Variants in GTPBP3 observed in about 807,000 individuals in gnomAD.
GTPBP3 encodes 5-taurinomethyluridine-[tRNA] synthase subunit GTPB3, mitochondrial.
GTPBP3 carries 35 observed loss-of-function variants against 42.0 expected under a neutral mutation model. That is an observed-to-expected ratio of 0.83 (90% CI 0.64 to 1.10). GTPBP3 has a LOEUF of 1.10. GTPBP3 is among the 50% of genes least tolerant of loss of function. The pLI, the probability that GTPBP3 is intolerant of heterozygous loss-of-function variation, is 0.00. For synonymous variants in GTPBP3, 332 were observed against 314.9 expected (o/e 1.05, Z -0.58); for missense variants, 691 against 685.2 (o/e 1.01, Z -0.09).
chr19:17,335,749 C>G (rs559776119), upstream of GTPBP3, among the ~76,000 whole-genome samples: 3 of 152,100 alleles, frequency 2.0e-5, no homozygotes, highest in South Asian at 6.2e-4. Context: ...GAAAGCCCAG[C>G]GAGGGTAGGA....
At chr19:17,340,866 C>T (rs1384425597) in intron 7 of GTPBP3, 178 bp from the exon 8 acceptor site, 1 of 622,306 alleles carries the variant, frequency 1.6e-6, no homozygotes, top group Admixed American at 3.0e-5. Flanking sequence ...TGCCCCACCC[C>T]CTGTGCTCGG....
intron 7 of GTPBP3, among the ~76,000 whole-genome samples, chr19:17,340,546 C>A (rs1245038884): frequency 2.0e-5 from 3 of 151,792 alleles, no homozygotes; most frequent in Admixed American, 2.0e-4. Context: ...TACCCCTTAC[C>A]CTGTGGTGTG....
Position 17,339,458 on chromosome 19 carries a change from C to G in GTPBP3, c.833C>G (p.Ser278Cys). Residue 278 changes from serine (S) to cysteine (C), a missense_variant, in exon 7 of 9, where the codon TCC becomes TGC. Transcript: ENST00000324894. Reference sequence around the variant, plus strand: ...GGTCGGAAGCCTGTGTCCATCGTGTCCCCGGAGCCAGGGACCACCCGTGAC... The same window carrying G: ...GGTCGGAAGCCTGTGTCCATCGTGTGCCCGGAGCCAGGGACCACCCGTGAC... Reference protein sequence around the residue: ...LLSRKPVSIVSPEPGTTRDVL... With the variant: ...LLSRKPVSIVCPEPGTTRDVL... 6.2e-7 allele frequency: 1 copy of G among 1,613,910 alleles called. No homozygotes were observed. Among genetic ancestry groups the G allele is most frequent in the East Asian group, 2.2e-5 (1 of 44,880 alleles).
Position 17,341,560 on chromosome 19 carries a change from G to T in GTPBP3, c.1336G>T (p.Gly446Cys). The change falls in exon 9 of 9, where the codon GGC becomes TGC. Residue 446 changes from glycine to cysteine, a missense_variant. By Grantham distance (159) the Gly-to-Cys change is radical. Transcript: ENST00000324894. ...HHLQGCLDALGHYKQSKDLAL... is the reference protein window; with the variant it reads ...HHLQGCLDALCHYKQSKDLAL... The stretch of plus-strand genomic sequence containing the variant: ...CCTCCAGGGTTGCCTGGATGCCCTC[G>T]GCCACTACAAGCAGTCAAAAGACCT... 6.2e-7 allele frequency: 1 copy of T among 1,613,828 alleles called. No homozygotes were observed. Among genetic ancestry groups the T allele is most frequent in the East Asian group, 2.2e-5 (1 of 44,878 alleles).
Position 17,339,157 on chromosome 19 carries a change from G to A in GTPBP3, c.699G>A (p.Leu233=). 6.2e-7 allele frequency: 1 copy of A among 1,613,992 alleles called. No homozygotes were observed. The highest frequency in any genetic ancestry group is 8.5e-7 in the Non-Finnish European group (1 of 1,180,034). ...AAGTACGGGCACTGCAGGTGGCCCT[G>A]GGTGCACATCTACGAGATGCCAGGC... is the stretch of plus-strand genomic sequence containing the variant. ...DIEVRALQVA[L]GAHLRDARRG... The change falls in exon 6 of 9, where the codon CTG becomes CTA. Residue 233 remains leucine, a synonymous_variant. Transcript: ENST00000324894.
chr19:17,335,914 C>A (rs905748175), upstream of GTPBP3, among the ~76,000 whole-genome samples: 1 of 152,112 alleles, frequency 6.6e-6, no homozygotes, highest in Non-Finnish European at 1.5e-5. Context: ...AATATGTCAT[C>A]ATTTGTTCCT....
Position 17,341,082 on chromosome 19 carries a change from C to A in GTPBP3, c.1013C>A (p.Ala338Asp), listed in dbSNP as rs1257762962. The A allele has an allele frequency of 6.2e-7, 1 of 1,613,926 alleles. No individual in the cohort carries two copies. The highest frequency in any genetic ancestry group is 1.7e-5 in the Admixed American group (1 of 60,020). Reference sequence around the variant, plus strand: ...GACCTCATTCTGGCCATGCTGGATGCTTCTGACCTGGCCTCTCCCTCCAGT... The same window carrying A: ...GACCTCATTCTGGCCATGCTGGATGATTCTGACCTGGCCTCTCCCTCCAGT... ...QADLILAMLD[A>D]SDLASPSSCN... Residue 338 changes from alanine to aspartate, a missense_variant, in exon 8 of 9, where the codon GCT becomes GAT. Physicochemically the swap from Ala to Asp is moderately radical, Grantham distance 126. Coordinates refer to ENST00000324894, the MANE Select transcript of GTPBP3 (RefSeq NM_032620.4).
chr19:17,337,443 A>C, upstream of GTPBP3: 1 of 1,226,596 alleles, frequency 8.2e-7, no homozygotes, highest in Non-Finnish European at 1.0e-6. Flanking sequence ...GCACCAGCCA[A>C]TGGAAGCGAG....
At chr19:17,334,998 G>C (rs2074354705), upstream of GTPBP3, 2 of 1,535,514 alleles carry the variant, frequency 1.3e-6, no homozygotes, top group Admixed American at 2.0e-5. Flanking sequence ...GTCCCCGCCC[G>C]CACTGATGGT....
chr19:17,338,255 G>C lies in GTPBP3; in HGVS notation c.301G>C (p.Gly101Arg). The change falls in exon 2 of 9, where the codon GGT becomes CGT. Residue 101 changes from glycine to arginine, a missense_variant and splice_region_variant. Gly to Arg is a moderately radical substitution (Grantham distance 125). Transcript: ENST00000324894. ...LDRALVLWFP[G>R]PQSFTGEDCV... ...CCGCGCACTGGTGCTCTGGTTCCCA[G>C]GTGAGGGTCCCCAGGTTCCGAGCCT... 2 of 1,592,762 alleles carry C rather than the reference G, an allele frequency of 1.3e-6. No homozygotes were observed. Among genetic ancestry groups the C allele is most frequent in the Non-Finnish European group, 1.7e-6 (2 of 1,172,982 alleles).
At position 17,342,704 on chromosome 19, in the gene GTPBP3, T is replaced by C. The variant is rs1306670690; in HGVS notation, c.*1001T>C. The C allele has an allele frequency of 6.6e-6, 1 of 152,116 alleles. No homozygotes were observed. Among genetic ancestry groups the C allele is most frequent in the African/African-American group, 2.4e-5 (1 of 41,444 alleles). 9.4% of individuals were successfully genotyped at this position (152,116 alleles called of 1,614,324 possible). On this transcript the variant is annotated 3_prime_UTR_variant, in exon 9 of 9. Transcript: ENST00000324894. ...AAATATGTTTGTCTTGTGTATCATA[T>C]ATAAATGGTATTGTGTTCATTGCTC... is the stretch of plus-strand genomic sequence containing the variant.
Position 17,338,204 on chromosome 19 carries a change from G to C in GTPBP3, c.250G>C (p.Asp84His), listed in dbSNP as rs199757133. 6 of 1,584,656 alleles carry C rather than the reference G, an allele frequency of 3.8e-6. No individual in the cohort carries two copies. In the East Asian group the frequency reaches 9.1e-5, roughly 24 times the overall value. The stretch of plus-strand genomic sequence containing the variant: ...CCACGCCAGCCTGCGCCTGCTCAGC[G>C]ATCCCCGCTCCGGGGAGCCTCTGGA... The part of the protein sequence containing the change: ...ARHASLRLLS[D>H]PRSGEPLDRA... The change falls in exon 2 of 9, where the codon GAT becomes CAT. Residue 84 changes from aspartate to histidine, a missense_variant. Coordinates refer to ENST00000324894, the MANE Select transcript of GTPBP3 (RefSeq NM_032620.4).
intron 7 of GTPBP3, among the ~76,000 whole-genome samples, chr19:17,340,598 A>C (rs1449417074): frequency 1.5e-5 from 2 of 129,998 alleles, no homozygotes; most frequent in African/African-American, 3.0e-5. Context: ...TGGTCGCCCC[A>C]CTCCAGTGCT....
At position 17,341,676 on chromosome 19, in the gene GTPBP3, C is replaced by T; in HGVS notation, c.1452C>T (p.Ile484=). Reference sequence around the variant, plus strand: ...GTACCGAGGAGATCCTGGACATCATCTTCCAGGACTTCTGTGTGGGCAAGT... The same window carrying T: ...GTACCGAGGAGATCCTGGACATCATTTTCCAGGACTTCTGTGTGGGCAAGT... ...GGGTEEILDI[I]FQDFCVGK The change falls in exon 9 of 9, where the codon ATC becomes ATT. Residue 484 remains isoleucine (I), a synonymous_variant. Coordinates refer to ENST00000324894, the MANE Select transcript of GTPBP3 (RefSeq NM_032620.4). The T allele has an allele frequency of 1.9e-6, 3 of 1,589,134 alleles. No individual in the cohort carries two copies. The highest frequency in any genetic ancestry group is 2.6e-6 in the Non-Finnish European group (3 of 1,162,358).
chr19:17,341,226 CCGGTCCTGA>C lies in GTPBP3; in HGVS notation c.1159_1167del (p.Gly387_Asp389del). The C allele has an allele frequency of 1.2e-6, 2 of 1,608,238 alleles. No individual in the cohort carries two copies. The highest frequency in any genetic ancestry group is 1.7e-6 in the Non-Finnish European group (2 of 1,179,964). On this transcript the variant is annotated inframe_deletion, in exon 8 of 9. Transcript: ENST00000324894. ...CTGCTGTCCCCGGAGGGCCCAGGTC[CCGGTCCTGA>C]CCTGCCCCCGCACCTGCTGCTGTCC... is the stretch of plus-strand genomic sequence containing the variant.
chr19:17,341,025 GTTGA>G lies in GTPBP3; in HGVS notation c.975-18_975-15del. 1 of 1,607,218 alleles carries G rather than the reference GTTGA, an allele frequency of 6.2e-7. No homozygotes were observed. ...TTGCTCAACCTGGGATCCCCGCTCAGTTGACCTTGCTCCCGCAGGCTAGAGCAGG... is the reference window on the plus strand; with the variant it reads ...TTGCTCAACCTGGGATCCCCGCTCAGCCTTGCTCCCGCAGGCTAGAGCAGG... On this transcript the variant is annotated splice_polypyrimidine_tract_variant and intron_variant, in intron 7 of 8. Transcript: ENST00000324894.
In GTPBP3 at chr19:17,339,563, C is replaced by T. The variant is rs1276515571; in HGVS notation, c.938C>T (p.Pro313Leu). ...DTAGLREGVGPVEQEGVRRAR... is the reference protein window; with the variant it reads ...DTAGLREGVGLVEQEGVRRAR... ...GCTGGGTTGCGGGAGGGCGTGGGGC[C>T]CGTGGAGCAGGAGGGCGTGCGGCGC... The change falls in exon 7 of 9, where the codon CCC (proline) becomes CTC (leucine). Residue 313 changes from proline to leucine, a missense_variant. Physicochemically the swap from Pro to Leu is moderately conservative, Grantham distance 98. Coordinates refer to ENST00000324894, the MANE Select transcript of GTPBP3 (RefSeq NM_032620.4). The T allele has an allele frequency of 6.2e-7, 1 of 1,612,260 alleles. No homozygotes were observed. The highest frequency in any genetic ancestry group is 1.7e-5 in the Admixed American group (1 of 59,958).
rs1323310628 is a variant in GTPBP3 at position 17,338,346 on chromosome 19, C to T, written c.302-19C>T. The stretch of plus-strand genomic sequence containing the variant: ...TGCACTGGCTGTGCTGTCCTCCTGT[C>T]ACCTGTCTGTCACATTAGGTCCCCA... On this transcript the variant is annotated intron_variant, in intron 2 of 8. Coordinates refer to ENST00000324894, the MANE Select transcript of GTPBP3 (RefSeq NM_032620.4). The T allele has an allele frequency of 1.2e-6, 2 of 1,613,420 alleles. No individual in the cohort carries two copies. Among genetic ancestry groups the T allele is most frequent in the South Asian group, 2.2e-5 (2 of 90,974 alleles).
rs955493015 is a variant in GTPBP3, at chr19:17,339,732, T to C, written c.974+133T>C. 4.8e-4 allele frequency: 433 copies of C among 893,296 alleles called. 1 individual carries two copies. Among genetic ancestry groups the C allele is most frequent in the Non-Finnish European group, 6.4e-4 (405 of 631,788 alleles). 55.3% of individuals were successfully genotyped at this position (893,296 alleles called of 1,614,324 possible). ...CCTATCAAGCATGGATCTCAGGGAT[T>C]TGGTTCTTTTTTTTTTTTTTTTTTT... On this transcript the variant is annotated intron_variant, in intron 7 of 8. Transcript: ENST00000324894.
Sources: allele counts gnomAD v4.1 joint callset (sites outside exome capture counted in the v4.1 genomes callset), GRCh38; gene constraint gnomAD v4.1.1; transcripts MANE v1.5; gene names NCBI Gene and HGNC (gene_info 2026-07-23, HGNC 2026-07-21).